TLL1: variants seen among roughly 807,000 people sequenced by gnomAD.
TLL1 encodes tolloid-like protein 1.
A neutral mutation model predicts 128.2 loss-of-function variants in TLL1; 49 were observed. That is an observed-to-expected ratio of 0.38 (90% CI 0.30 to 0.48). The LOEUF is 0.48. Ranked by LOEUF, TLL1 falls within the 20% of genes least tolerant of loss-of-function variation. TLL1 has a pLI of 0.96. For synonymous variants in TLL1, 454 were observed against 418.8 expected, an observed-to-expected ratio of 1.08 and a Z score of -1.03; for missense variants, 1,123 against 1,242.0, an observed-to-expected ratio of 0.90 and a Z score of 1.44.
chr4:165,990,352 C>G (rs1353364205), intron 2 of TLL1, among the ~76,000 whole-genome samples: 1 of 151,736 alleles, frequency 6.6e-6, no homozygotes, highest in Non-Finnish European at 1.5e-5. Context: ...TTTATTTTCT[C>G]CTATTCTGTG....
chr4:165,899,983 G>T (rs1205786606), intron 1 of TLL1, among the ~76,000 whole-genome samples: 2 of 150,500 alleles, frequency 1.3e-5, no homozygotes, highest in Non-Finnish European at 3.0e-5. Flanking sequence ...GCCTTTCTTT[G>T]TCTCTTTTGA....
intron 20 of TLL1, 74 bp from the exon 21 acceptor site, chr4:166,100,668 C>T (rs1742243832): frequency 5.1e-6 from 8 of 1,580,912 alleles, no homozygotes; most frequent in Non-Finnish European, 6.9e-6. Flanking sequence ...TATTCCCAAA[C>T]ATGCGTTACA....
At chr4:165,998,714 G>A (rs1032648106) in intron 5 of TLL1, among the ~76,000 whole-genome samples, 20 of 151,610 alleles carry the variant, frequency 1.3e-4, no homozygotes, top group African/African-American at 2.9e-4. Context: ...GGAGAATGGC[G>A]TGAACCTGGG....
chr4:166,010,933 C>A (rs1176478125), intron 7 of TLL1, among the ~76,000 whole-genome samples: 1 of 150,012 alleles, frequency 6.7e-6, no homozygotes, highest in Non-Finnish European at 1.5e-5. Flanking sequence ...ATCTTGACAC[C>A]CTTGTCAAAG....
intron 1 of TLL1, among the ~76,000 whole-genome samples, chr4:165,918,589 C>G (rs1012876655): frequency 6.6e-6 from 1 of 151,604 alleles, no homozygotes; most frequent in Non-Finnish European, 1.5e-5. Context: ...TCCACTGTTT[C>G]AAGAGGAAAC....
chr4:166,046,795 G>A (rs1020526892), intron 12 of TLL1, among the ~76,000 whole-genome samples: 2 of 152,150 alleles, frequency 1.3e-5, no homozygotes, highest in Admixed American at 1.3e-4. Flanking sequence ...AAAATGTTGT[G>A]ACTAGAATCT....
intron 1 of TLL1, among the ~76,000 whole-genome samples, chr4:165,915,302 T>C (rs544201360): frequency 6.6e-6 from 1 of 152,278 alleles, no homozygotes; most frequent in South Asian, 2.1e-4. Context: ...AAGTTTTGTG[T>C]TGGAGAAACA....
chr4:166,053,187 C>G (rs986965686), intron 12 of TLL1: 1 of 151,496 alleles, frequency 6.6e-6, no homozygotes, highest in African/African-American at 2.4e-5. Context: ...CTTCTCTCCC[C>G]CACCCAATTT....
At chr4:166,085,841 C>A (rs1343942964) in intron 18 of TLL1, among the ~76,000 whole-genome samples, 2 of 152,092 alleles carry the variant, frequency 1.3e-5, no homozygotes, top group Non-Finnish European at 2.9e-5. Flanking sequence ...AAAATTGTCA[C>A]TGAAGACAAT....
intron 9 of TLL1, chr4:166,030,826 T>A (rs1738734108): frequency 9.8e-7 from 1 of 1,019,286 alleles, no homozygotes; most frequent in South Asian, 4.6e-5. Context: ...TTATAGATTA[T>A]TTTTTAAATT....
At chr4:165,894,121 G>A (rs912147935) in intron 1 of TLL1, among the ~76,000 whole-genome samples, 1 of 152,030 alleles carries the variant, frequency 6.6e-6, no homozygotes, top group Non-Finnish European at 1.5e-5. Context: ...AGCAGGGGAG[G>A]ACAATGTATA....
At chr4:165,991,214 CATA>C (rs1736623717) in intron 2 of TLL1, among the ~76,000 whole-genome samples, 1 of 151,222 alleles carries the variant, frequency 6.6e-6, no homozygotes, top group South Asian at 2.1e-4. Flanking sequence ...ACTCTGAGAC[CATA>C]ATAATTGGAA....
chr4:166,064,858 G>A (rs1248629111), intron 15 of TLL1, among the ~76,000 whole-genome samples: 2 of 152,060 alleles, frequency 1.3e-5, no homozygotes, highest in Non-Finnish European at 2.9e-5. Flanking sequence ...AGTAATTTGA[G>A]TTGACATATT....
intron 19 of TLL1, among the ~76,000 whole-genome samples, chr4:166,093,070 G>C (rs192575599): frequency 1.3e-5 from 2 of 152,136 alleles, no homozygotes; most frequent in African/African-American, 4.8e-5. Context: ...ATGTGAAGGG[G>C]TGGCCTGCCT....
At chr4:166,046,404 CA>C (rs2111098729) in intron 12 of TLL1, among the ~76,000 whole-genome samples, 1 of 152,282 alleles carries the variant, frequency 6.6e-6, no homozygotes, top group South Asian at 2.1e-4. Flanking sequence ...GCCTAATAGA[CA>C]TCTAAATCTT....
chr4:165,892,795 C>T (rs1300128043), intron 1 of TLL1, among the ~76,000 whole-genome samples: 1 of 152,140 alleles, frequency 6.6e-6, no homozygotes, highest in African/African-American at 2.4e-5. Context: ...GACTCTCTTA[C>T]CCTTTAAACT....
At chr4:166,043,972 C>T (rs1560831528) in intron 12 of TLL1, among the ~76,000 whole-genome samples, 1 of 152,058 alleles carries the variant, frequency 6.6e-6, no homozygotes, top group Non-Finnish European at 1.5e-5. Flanking sequence ...AAAGGCCAAT[C>T]AGAATTTTTG....
intron 1 of TLL1, among the ~76,000 whole-genome samples, chr4:165,924,764 A>G (rs998352024): frequency 1.3e-5 from 2 of 152,218 alleles, no homozygotes; most frequent in Non-Finnish European, 2.9e-5. Context: ...GGAGAAGTCA[A>G]TGCATGACTT....
intron 1 of TLL1, among the ~76,000 whole-genome samples, chr4:165,916,079 C>T (rs890972726): frequency 3.3e-5 from 5 of 152,092 alleles, no homozygotes; most frequent in African/African-American, 7.2e-5. Context: ...TAATTACTTT[C>T]GTCTGTGGAC....
Sources: gnomAD v4.1 joint callset for allele counts (sites outside exome capture counted in the v4.1 genomes callset) on GRCh38, gnomAD v4.1.1 for gene constraint, MANE v1.5 for transcripts, NCBI Gene and HGNC (gene_info 2026-07-23, HGNC 2026-07-21) for gene names.